ALG14: variants seen among roughly 807,000 people sequenced by gnomAD.
The protein encoded by ALG14 is UDP-N-acetylglucosamine transferase subunit ALG14.
ALG14 carries 17 observed loss-of-function variants against 22.8 expected under a neutral mutation model. The observed-to-expected ratio is 0.75, with a 90% confidence interval of 0.51 to 1.12. The LOEUF is 1.12. Ranked by LOEUF, ALG14 falls within the 50% of genes most tolerant of loss-of-function variation. ALG14 has a pLI of 0.00. For synonymous variants in ALG14, 89 were observed against 103.7 expected, an observed-to-expected ratio of 0.86 and a Z score of 0.86; for missense variants, 288 against 271.8, an observed-to-expected ratio of 1.06 and a Z score of -0.42.
At chr1:95,022,414 G>C (rs907403797) in intron 3 of ALG14, 27 of 961,620 alleles carry the variant, frequency 2.8e-5, no homozygotes, top group Non-Finnish European at 3.1e-5. Flanking sequence ...TATTTGGGGG[G>C]ATTTTCACAT....
chr1:94,986,824 G>A (rs1268075724), intron 3 of ALG14, among the ~76,000 whole-genome samples: 2 of 147,090 alleles, frequency 1.4e-5, no homozygotes, highest in East Asian at 2.0e-4. Flanking sequence ...CCTCGGGAAC[G>A]AACCACTGTA....
chr1:95,038,010 G>C (rs1383881089), intron 2 of ALG14, among the ~76,000 whole-genome samples: 1 of 152,190 alleles, frequency 6.6e-6, no homozygotes, highest in Non-Finnish European at 1.5e-5. Flanking sequence ...ACTATAATAT[G>C]AGACAATTAT....
At chr1:95,067,923 A>ACT (rs1675430438) in intron 1 of ALG14, among the ~76,000 whole-genome samples, 1 of 151,974 alleles carries the variant, frequency 6.6e-6, no homozygotes, top group African/African-American at 2.4e-5. Context: ...TACTCAGTCT[A>ACT]CTCTAATCAC....
intron 3 of ALG14, among the ~76,000 whole-genome samples, chr1:95,026,175 G>A (rs1008016426): frequency 6.6e-6 from 1 of 152,040 alleles, no homozygotes; most frequent in African/African-American, 2.4e-5. Context: ...CTTGTGATCC[G>A]CCTGCCTCGG....
chr1:95,004,248 G>A (rs985394378), intron 3 of ALG14, among the ~76,000 whole-genome samples: 4 of 139,928 alleles, frequency 2.9e-5, no homozygotes, highest in African/African-American at 1.1e-4. Context: ...TTGAGACAGC[G>A]TCTCGCTCTA....
At chr1:95,020,100 C>T (rs1051317683) in intron 3 of ALG14, among the ~76,000 whole-genome samples, 2 of 151,988 alleles carry the variant, frequency 1.3e-5, no homozygotes, top group African/African-American at 4.8e-5. Flanking sequence ...CGTCTATAAT[C>T]CCGCTACTCA....
At chr1:95,013,944 AC>A (rs1197015970) in intron 3 of ALG14, among the ~76,000 whole-genome samples, 3 of 144,408 alleles carry the variant, frequency 2.1e-5, no homozygotes, top group East Asian at 2.1e-4. Context: ...AAAAAAAAAA[AC>A]CCTTCCAGCA....
At chr1:94,992,016 T>C (rs796772966) in intron 3 of ALG14, among the ~76,000 whole-genome samples, 35 of 148,636 alleles carry the variant, frequency 2.4e-4, no homozygotes, top group African/African-American at 8.3e-4. Flanking sequence ...GGAGCTGTCA[T>C]CTCCTATGAG....
chr1:95,001,448 G>A (rs1673065739), intron 3 of ALG14, among the ~76,000 whole-genome samples: 1 of 152,064 alleles, frequency 6.6e-6, no homozygotes, highest in Non-Finnish European at 1.5e-5. Flanking sequence ...CTTCCAACAT[G>A]GCTTTTATTG....
At chr1:95,050,497 T>A (rs945923047) in intron 2 of ALG14, among the ~76,000 whole-genome samples, 1 of 152,270 alleles carries the variant, frequency 6.6e-6, no homozygotes, top group South Asian at 2.1e-4. Context: ...ATAAACTAGC[T>A]TTATAACCCT....
chr1:95,000,312 G>A (rs1673028442), intron 3 of ALG14, among the ~76,000 whole-genome samples: 1 of 151,970 alleles, frequency 6.6e-6, no homozygotes, highest in Non-Finnish European at 1.5e-5. Context: ...AAGGTGGGAA[G>A]ATCACTTGAG....
At chr1:95,069,586 G>A (rs1202011433) in intron 1 of ALG14, among the ~76,000 whole-genome samples, 1 of 144,714 alleles carries the variant, frequency 6.9e-6, no homozygotes, top group Non-Finnish European at 1.5e-5. Context: ...TGACATTGGA[G>A]ATAGAGGCCT....
chr1:95,069,573 A>AACCTCC (rs1675492852), intron 1 of ALG14, among the ~76,000 whole-genome samples: 1 of 147,648 alleles, frequency 6.8e-6, no homozygotes, highest in South Asian at 2.1e-4. Context: ...AACCTAGACT[A>AACCTCC]AATGACATTG....
At chr1:95,034,233 A>G (rs1011780807) in intron 2 of ALG14, among the ~76,000 whole-genome samples, 1 of 152,192 alleles carries the variant, frequency 6.6e-6, no homozygotes, top group Non-Finnish European at 1.5e-5. Flanking sequence ...TGGTCTCTCC[A>G]CCACACTGTC....
chr1:95,026,970 C>A (rs1048222451), intron 3 of ALG14, among the ~76,000 whole-genome samples, 159 bp downstream of exon 3: 1 of 152,124 alleles, frequency 6.6e-6, no homozygotes. Context: ...AGTTCTGGAG[C>A]CTGGGAAGTC....
intron 2 of ALG14, among the ~76,000 whole-genome samples, chr1:95,058,862 ATCTAC>A (rs559505955): frequency 4.6e-5 from 7 of 151,990 alleles, no homozygotes; most frequent in African/African-American, 1.7e-4. Flanking sequence ...GCTAATGAAA[ATCTAC>A]TCTACAGTTT....
intron 2 of ALG14, among the ~76,000 whole-genome samples, chr1:95,034,744 A>C (rs1248769141): frequency 1.3e-5 from 2 of 152,118 alleles, no homozygotes; most frequent in African/African-American, 4.8e-5. Flanking sequence ...CTGAACCACG[A>C]AGTTTACTCC....
At position 94,980,356 on chromosome 1, in the gene ALG14, C is replaced by A. The variant is rs1364644427; in HGVS notation, c.*2720G>T. 6.6e-6 allele frequency: 1 copy of A among 152,196 alleles called. No individual in the cohort carries two copies. The highest frequency in any genetic ancestry group is 1.5e-5 in the Non-Finnish European group (1 of 68,042). 9.4% of individuals were successfully genotyped at this position (152,196 alleles called of 1,614,324 possible). A position where few individuals can be genotyped will look rare whatever the true frequency, so the allele number is the denominator to read the frequency against. ...TTAGACATTCTGACCTGGCAAGCTA[C>A]TGAGACCTTTTAGGATAGCTGGACT... On this transcript the variant is annotated 3_prime_UTR_variant, in exon 4 of 4. Coordinates refer to ENST00000370205, the MANE Select transcript of ALG14 (RefSeq NM_144988.4).
intron 2 of ALG14, among the ~76,000 whole-genome samples, chr1:95,064,619 C>T (rs549421805): frequency 1.3e-3 from 199 of 152,216 alleles, no homozygotes; most frequent in African/African-American, 4.4e-3. Context: ...CCTTGCATCC[C>T]GGGTATGAAG....
Sources: gnomAD v4.1 joint callset for allele counts (sites outside exome capture counted in the v4.1 genomes callset) on GRCh38, gnomAD v4.1.1 for gene constraint, MANE v1.5 for transcripts, NCBI Gene and HGNC (gene_info 2026-07-23, HGNC 2026-07-21) for gene names.